Variants in PRP4K observed in about 807,000 individuals in gnomAD.
The protein encoded by PRP4K is serine/threonine-protein kinase PRP4 homolog.
chr6:4,063,716 A>G, the PRP4K span: 2 of 152,136 alleles, frequency 1.3e-5, no homozygotes, highest in East Asian at 1.9e-4. Flanking sequence ...TGTACGTTAC[A>G]TGATTTTCCT....
the PRP4K span, among the ~76,000 whole-genome samples, chr6:4,027,592 C>CGGGGGGGGGGGGGG: frequency 1.3e-4 from 1 of 7,904 alleles, no homozygotes; most frequent in African/African-American, 3.7e-4. Flanking sequence ...GCTTATTTGG[C>CGGGGGGGGGGGGGG]GGAGGGGTGG....
the PRP4K span, chr6:4,062,426 A>C: frequency 6.6e-6 from 1 of 152,630 alleles, no homozygotes; most frequent in Non-Finnish European, 1.5e-5. This position sits in a 1 kb window ranked among gnomAD's most constrained non-coding sequence, Gnocchi z 4.2. Flanking sequence ...ATTTTTCAGA[A>C]ATATATGTAA....
the PRP4K span, chr6:4,048,976 A>C: frequency 6.8e-7 from 1 of 1,465,470 alleles, no homozygotes; most frequent in Non-Finnish European, 9.4e-7. Flanking sequence ...TAAATGTCTG[A>C]CAAGTGGGTA....
At chr6:4,032,137 T>G in the PRP4K span, 1 of 1,613,090 alleles carries the variant, frequency 6.2e-7, no homozygotes, top group Non-Finnish European at 8.5e-7. Context: ...GGTATTGAAA[T>G]CGTTAAAGAG....
the PRP4K span, chr6:4,043,715 C>A: frequency 3.7e-6 from 4 of 1,090,270 alleles, no homozygotes; most frequent in Non-Finnish European, 5.4e-6. Context: ...TTATTTGATA[C>A]GTTCTCTTAA....
chr6:4,043,827 T>C, the PRP4K span: 1 of 1,614,128 alleles, frequency 6.2e-7, no homozygotes. Context: ...ATAAATACCT[T>C]GCTGAAGATA....
the PRP4K span, chr6:4,064,694 T>C: frequency 6.6e-6 from 1 of 152,648 alleles, no homozygotes; most frequent in African/African-American, 2.4e-5. Flanking sequence ...ACAAATTCAT[T>C]TGTGTTTTTT....
At chr6:4,049,659 C>A in the PRP4K span, 1 of 1,422,138 alleles carries the variant, frequency 7.0e-7, no homozygotes, top group Non-Finnish European at 9.7e-7. Context: ...TTTTAAATGA[C>A]TGCACTGTGT....
chr6:4,059,252 A>G, the PRP4K span, among the ~76,000 whole-genome samples: 1 of 152,196 alleles, frequency 6.6e-6, no homozygotes, highest in Non-Finnish European at 1.5e-5. Flanking sequence ...ACCTCTCTTC[A>G]GTACATTCAG....
the PRP4K span, among the ~76,000 whole-genome samples, chr6:4,027,654 A>G: frequency 6.7e-6 from 1 of 148,892 alleles, no homozygotes; most frequent in Non-Finnish European, 1.5e-5. Flanking sequence ...AGCATTTAAC[A>G]TCTATTCACT....
chr6:4,058,909 A>G, the PRP4K span: 101 of 969,120 alleles, frequency 1.0e-4, no homozygotes, highest in South Asian at 1.7e-3. Context: ...ACAAAAACCC[A>G]AAAGTAAGTA....
At chr6:4,032,464 G>C in the PRP4K span, 8 of 1,614,018 alleles carry the variant, frequency 5.0e-6, no homozygotes, top group Admixed American at 1.0e-4. Context: ...AAATCAAAAC[G>C]GTCTGAAACT....
the PRP4K span, chr6:4,042,690 C>A: frequency 3.1e-6 from 2 of 642,572 alleles, no homozygotes; most frequent in South Asian, 3.1e-5. Context: ...ATAAAATTAT[C>A]TTTGTGAAGT....
At chr6:4,035,993 A>AAAAT in the PRP4K span, among the ~76,000 whole-genome samples, 1 of 138,186 alleles carries the variant, frequency 7.2e-6, no homozygotes, top group Non-Finnish European at 1.5e-5. Flanking sequence ...ATAAATGAGG[A>AAAAT]AAATACTGTA....
chr6:4,048,941 CT>C, the PRP4K span: 2 of 969,748 alleles, frequency 2.1e-6, no homozygotes, highest in East Asian at 2.6e-5. Flanking sequence ...TGGTGTTACC[CT>C]TTTGTGTTTT....
At chr6:4,029,471 A>G in the PRP4K span, among the ~76,000 whole-genome samples, 1 of 150,818 alleles carries the variant, frequency 6.6e-6, no homozygotes, top group Non-Finnish European at 1.5e-5. Context: ...AGCCTCCTGA[A>G]TAGCTAATTT....
the PRP4K span, chr6:4,050,018 G>GTTTT: frequency 2.2e-4 from 4 of 17,992 alleles, no homozygotes; most frequent in South Asian, 2.3e-3. Context: ...GGAAACAGTT[G>GTTTT]TTTTTTTTTT....
chr6:4,045,694 A>G, the PRP4K span, among the ~76,000 whole-genome samples: 2 of 152,334 alleles, frequency 1.3e-5, no homozygotes, highest in Non-Finnish European at 2.9e-5. Context: ...TACACATTAG[A>G]TATCAGTATG....
At chr6:4,037,619 A>G in the PRP4K span, 1 of 1,554,280 alleles carries the variant, frequency 6.4e-7, no homozygotes, top group Non-Finnish European at 8.8e-7. Context: ...ATGTTTTTGA[A>G]CCACCAGTGA....
Sources: gnomAD v4.1 joint callset for allele counts (sites outside exome capture counted in the v4.1 genomes callset) on GRCh38, gnomAD v4.1.1 for gene constraint, Gnocchi (gnomAD v3.1) non-coding constraint, MANE v1.5 for transcripts, NCBI Gene and HGNC (gene_info 2026-07-23, HGNC 2026-07-21) for gene names.